Variants in LARGE1 observed in about 807,000 individuals in gnomAD.
The protein encoded by LARGE1 is xylosyl- and glucuronyltransferase LARGE1.
In LARGE1, 43 loss-of-function variants were observed where a neutral mutation model predicts 87.6. That is an observed-to-expected ratio of 0.49 (90% CI 0.38 to 0.63). The LOEUF (loss-of-function observed/expected upper bound fraction) is 0.63. Ranked by LOEUF, LARGE1 falls within the 30% of genes least tolerant of loss-of-function variation. The pLI is 0.00. For missense variants in LARGE1, 802 were observed against 1,000.2 expected, an observed-to-expected ratio of 0.80 and a Z score of 2.67; for synonymous variants, 434 against 394.6, an observed-to-expected ratio of 1.10 and a Z score of -1.18.
At chr22:33,344,050 C>G (rs1252640307) in intron 9 of LARGE1, among the ~76,000 whole-genome samples, 1 of 152,138 alleles carries the variant, frequency 6.6e-6, no homozygotes, top group Non-Finnish European at 1.5e-5. Context: ...ATTTTTCTGC[C>G]TGCTTTATAT....
chr22:33,265,001 A>G lies in LARGE1; in HGVS notation c.1730+39228T>C, dbSNP rs143560084. On this transcript the variant is annotated intron_variant, in intron 11 of 11. Coordinates refer to the LARGE1 transcript ENST00000608642. The stretch of plus-strand genomic sequence containing the variant: ...CTTCAACCTCTGCTTCCCAGGTTCA[A>G]GTGATTCTCCTGCTTCAGCCTCCTG... 8.6e-3 allele frequency among the ~76,000 whole-genome samples: 1,285 copies of G among 148,684 alleles called. 21 individuals carry two copies. Among genetic ancestry groups the G allele is most frequent in the African/African-American group, 0.031 (1,237 of 39,964 alleles).
intron 9 of LARGE1, among the ~76,000 whole-genome samples, chr22:33,365,835 C>T (rs193154364): frequency 1.9e-4 from 29 of 152,264 alleles, no homozygotes; most frequent in Non-Finnish European, 2.9e-5. Context: ...AGGCTGGTAT[C>T]GAACTCCTGA....
At chr22:33,485,589 G>A (rs2069540215) in intron 6 of LARGE1, among the ~76,000 whole-genome samples, 1 of 152,188 alleles carries the variant, frequency 6.6e-6, no homozygotes, top group South Asian at 2.1e-4. Flanking sequence ...ATTAACTAGA[G>A]ATTGGGATGG....
intron 1 of LARGE1, among the ~76,000 whole-genome samples, chr22:33,883,201 A>G (rs1203320385): frequency 1.3e-5 from 2 of 152,126 alleles, no homozygotes; most frequent in Non-Finnish European, 2.9e-5. Context: ...CAGCACCCAC[A>G]GTGTCGGGGA....
At chr22:33,086,679 A>G in the LARGE1 span, among the ~76,000 whole-genome samples, 2 of 148,936 alleles carry the variant, frequency 1.3e-5, no homozygotes, top group South Asian at 2.1e-4. Flanking sequence ...CAGCCTTCCC[A>G]GTAGCTGGGA....
intron 6 of LARGE1, among the ~76,000 whole-genome samples, chr22:33,560,283 T>C (rs1348661736): frequency 6.6e-6 from 1 of 152,184 alleles, no homozygotes; most frequent in Non-Finnish European, 1.5e-5. Flanking sequence ...ACTAAGTGCT[T>C]AAACATGTTA....
chr22:33,425,765 T>C (rs1461255711), intron 7 of LARGE1, among the ~76,000 whole-genome samples: 1 of 152,146 alleles, frequency 6.6e-6, no homozygotes, highest in Non-Finnish European at 1.5e-5. Context: ...CATGCACATA[T>C]GAATCTCCAA....
At chr22:33,360,539 G>T (rs910738505) in intron 9 of LARGE1, among the ~76,000 whole-genome samples, 8 of 148,910 alleles carry the variant, frequency 5.4e-5, no homozygotes, top group African/African-American at 2.0e-4. Context: ...TTAAACAATC[G>T]GATCTTGTGA....
At chr22:33,603,409 A>T (rs1376611017) in intron 5 of LARGE1, among the ~76,000 whole-genome samples, 2 of 152,188 alleles carry the variant, frequency 1.3e-5, no homozygotes, top group Non-Finnish European at 2.9e-5. Flanking sequence ...GTGGGTACCT[A>T]CTATGCACCA....
At chr22:33,415,976 C>G (rs1039359653) in intron 7 of LARGE1, among the ~76,000 whole-genome samples, 3 of 152,186 alleles carry the variant, frequency 2.0e-5, no homozygotes, top group Non-Finnish European at 4.4e-5. Flanking sequence ...GCCTCTTGTC[C>G]CATACTCCCT....
In LARGE1 at chr22:33,761,459, C is replaced by T. The variant is rs2084726771; in HGVS notation, c.18G>A (p.Arg6=). The T allele has an allele frequency of 1.2e-6, 2 of 1,613,958 alleles. No homozygotes were observed. The highest frequency in any genetic ancestry group is 2.2e-5 in the East Asian group (1 of 44,834). The change falls in exon 2 of 15, where the codon AGG becomes AGA. Residue 6 remains arginine (R), a synonymous_variant. Transcript: ENST00000397394. Reference sequence around the variant, plus strand: ...AGGCAGCCAAGAATTTCCGTCTCCCCCTGCAGATTCCCAGCATCCTCTCAG... The same window carrying T: ...AGGCAGCCAAGAATTTCCGTCTCCCTCTGCAGATTCCCAGCATCCTCTCAG... MLGIC[R]GRRKFLAASL...
chr22:33,107,655 G>C, the LARGE1 span, among the ~76,000 whole-genome samples: 1 of 152,110 alleles, frequency 6.6e-6, no homozygotes, highest in African/African-American at 2.4e-5. Context: ...ACTTGAGGCT[G>C]GTAGTTTGAG....
chr22:33,147,117 A>G, the LARGE1 span, among the ~76,000 whole-genome samples: 1 of 152,210 alleles, frequency 6.6e-6, no homozygotes, highest in African/African-American at 2.4e-5. Flanking sequence ...ATTTAATTGT[A>G]TGACTATACC....
At chr22:33,329,166 A>G (rs1206409009) in intron 10 of LARGE1, among the ~76,000 whole-genome samples, 2 of 152,160 alleles carry the variant, frequency 1.3e-5, no homozygotes, top group Admixed American at 1.3e-4. Flanking sequence ...CTGATTACTC[A>G]GAGTGCTGTT....
At chr22:33,443,935 GC>G (rs2067590209) in intron 6 of LARGE1, among the ~76,000 whole-genome samples, 1 of 152,246 alleles carries the variant, frequency 6.6e-6, no homozygotes, top group Non-Finnish European at 1.5e-5. Context: ...CCTCAGCCCA[GC>G]TACAACCTCC....
intron 1 of LARGE1, among the ~76,000 whole-genome samples, chr22:33,825,402 C>T (rs139452011): frequency 9.4e-4 from 125 of 132,716 alleles, no homozygotes; most frequent in African/African-American, 3.4e-3. Flanking sequence ...AAAGACATAC[C>T]CGAGACTGGG....
intron 1 of LARGE1, among the ~76,000 whole-genome samples, chr22:33,856,432 A>T (rs1319006321): frequency 6.6e-6 from 1 of 152,210 alleles, no homozygotes; most frequent in African/African-American, 2.4e-5. Flanking sequence ...TAGAAGTGAT[A>T]AATAGATCTA....
intron 1 of LARGE1, among the ~76,000 whole-genome samples, chr22:33,910,389 C>T (rs2065597678): frequency 6.6e-6 from 1 of 152,138 alleles, no homozygotes; most frequent in Non-Finnish European, 1.5e-5. Context: ...CCAAGCACAG[C>T]CTTTGATTTG....
chr22:33,687,424 G>A (rs5754641), intron 2 of LARGE1, among the ~76,000 whole-genome samples: 7 of 150,698 alleles, frequency 4.6e-5, no homozygotes, highest in African/African-American at 9.8e-5. Context: ...CCAGCCGATA[G>A]AACTTGGTTC....
Sources: allele counts gnomAD v4.1 joint callset (sites outside exome capture counted in the v4.1 genomes callset), GRCh38; gene constraint gnomAD v4.1.1; transcripts MANE v1.5; gene names NCBI Gene and HGNC (gene_info 2026-07-23, HGNC 2026-07-21).